HTR1E: variants seen among roughly 807,000 people sequenced by gnomAD.
The protein encoded by HTR1E is 5-hydroxytryptamine receptor 1E.
HTR1E carries 3 observed loss-of-function variants against 3.4 expected under a neutral mutation model. The observed-to-expected ratio is 0.89, with a 90% CI of 0.41 to 2.31. The LOEUF is 2.31. Among genes scored for constraint, HTR1E ranks in the 30% most tolerant of loss-of-function variants. The pLI is 0.05. For missense variants in HTR1E, 392 were observed against 467.0 expected (o/e 0.84, Z 1.48); for synonymous variants, 170 against 182.8 (o/e 0.93, Z 0.56).
chr6:87,014,844 A>T (rs1358607557), intron 1 of HTR1E, among the ~76,000 whole-genome samples: 1 of 152,142 alleles, frequency 6.6e-6, no homozygotes, highest in East Asian at 1.9e-4. Flanking sequence ...TAGGAGAAGT[A>T]CCTAATGTAG....
At chr6:87,004,249 T>G (rs1286051103) in intron 1 of HTR1E, among the ~76,000 whole-genome samples, 2 of 152,156 alleles carry the variant, frequency 1.3e-5, no homozygotes, top group Non-Finnish European at 2.9e-5. Flanking sequence ...TACTTCCACA[T>G]TTATTCTGTG....
At chr6:86,946,838 C>T (rs1452814417) in intron 1 of HTR1E, among the ~76,000 whole-genome samples, 1 of 152,086 alleles carries the variant, frequency 6.6e-6, no homozygotes, top group Admixed American at 6.5e-5. Context: ...GCACAGAGGC[C>T]GGGCACGGTG....
chr6:86,973,872 T>G lies in HTR1E; in HGVS notation c.-186+36049T>G, dbSNP rs534697029. On this transcript the variant is annotated intron_variant, in intron 1 of 1. Coordinates refer to ENST00000305344, the MANE Select transcript of HTR1E (RefSeq NM_000865.3). ...CAGGTGAAAGCCGCAATAAACTGCC[T>G]TGCTGAAGCCCATCTTAGACTCTCC... Among the ~76,000 whole-genome samples the G allele has an allele frequency of 2.8e-4, 43 of 152,318 alleles. No homozygotes were observed. The South Asian group carries it at 8.9e-3, about 32-fold the overall frequency.
chr6:86,996,471 T>G (rs925243740), intron 1 of HTR1E, among the ~76,000 whole-genome samples: 1 of 129,528 alleles, frequency 7.7e-6, no homozygotes, highest in Non-Finnish European at 1.7e-5. Flanking sequence ...ACCTTATAAC[T>G]GACATAGAAA....
rs1489646246 is a variant in HTR1E at position 87,010,018 on chromosome 6, C to T, written c.-185-5132C>T. ...GGCTGGCCGGGCGGAGGGCTGACCC[C>T]CCCACCTCCCTCCCGGACGGGGTGG... On this transcript the variant is annotated intron_variant, in intron 1 of 1. Transcript: ENST00000305344. Among the ~76,000 whole-genome samples, 6 of 132,354 alleles carry T rather than the reference C, an allele frequency of 4.5e-5. 1 individual carries two copies. The highest frequency in any genetic ancestry group is 3.6e-4 in the Admixed American group (5 of 13,802). The allele number at this position is 132,354 out of a possible 152,430, so 86.8% of individuals were successfully genotyped here.
chr6:86,954,324 A>G (rs1446212768), intron 1 of HTR1E, among the ~76,000 whole-genome samples: 1 of 150,248 alleles, frequency 6.7e-6, no homozygotes, highest in Non-Finnish European at 1.5e-5. Context: ...ACTTTATTCA[A>G]TTACTTTATT....
intron 1 of HTR1E, among the ~76,000 whole-genome samples, chr6:87,010,347 G>A (rs1442893436): frequency 1.8e-5 from 2 of 114,116 alleles, no homozygotes; most frequent in African/African-American, 3.5e-5. Flanking sequence ...CGGACGGGGC[G>A]GCTGGCCGGG....
intron 1 of HTR1E, among the ~76,000 whole-genome samples, chr6:86,964,617 G>C (rs1462320613): frequency 6.6e-6 from 1 of 152,170 alleles, no homozygotes. Flanking sequence ...TAACAGTAAA[G>C]TTGTAAACTT....
At chr6:87,015,128 C>T (rs536723930) in intron 1 of HTR1E, 22 bp from the exon 2 acceptor site, 34 of 380,960 alleles carry the variant, frequency 8.9e-5, no homozygotes, top group Non-Finnish European at 1.6e-4. Flanking sequence ...CATTCATTAA[C>T]CAATAGCATA....
intron 1 of HTR1E, among the ~76,000 whole-genome samples, chr6:87,007,454 A>G (rs952972128): frequency 1.3e-5 from 2 of 152,224 alleles, no homozygotes; most frequent in Non-Finnish European, 2.9e-5. Flanking sequence ...AATTTATTCT[A>G]AATTTTAAAA....
intron 1 of HTR1E, among the ~76,000 whole-genome samples, chr6:86,999,701 T>C (rs1348520014): frequency 1.3e-5 from 2 of 152,222 alleles, no homozygotes; most frequent in East Asian, 1.9e-4. Flanking sequence ...TCAACTCTTA[T>C]TGGAATAGCG....
intron 1 of HTR1E, among the ~76,000 whole-genome samples, chr6:86,959,724 G>A (rs1045695252): frequency 3.3e-5 from 5 of 152,102 alleles, no homozygotes; most frequent in African/African-American, 1.2e-4. Context: ...GAGAAAGAAG[G>A]GGCAAGTTTT....
intron 1 of HTR1E, among the ~76,000 whole-genome samples, chr6:86,995,665 C>CA (rs60134206): frequency 0.019 from 705 of 36,630 alleles, 27 homozygotes; most frequent in Non-Finnish European, 0.03. Flanking sequence ...GACTCCATCT[C>CA]AAAAAAAAAA....
chr6:87,007,692 G>A (rs1053048617), intron 1 of HTR1E, among the ~76,000 whole-genome samples: 1 of 152,144 alleles, frequency 6.6e-6, no homozygotes, highest in Non-Finnish European at 1.5e-5. Context: ...TCCCAGCACT[G>A]TGGGAGGCCG....
intron 1 of HTR1E, among the ~76,000 whole-genome samples, chr6:87,007,283 T>C (rs1159012943): frequency 1.3e-5 from 2 of 151,874 alleles, no homozygotes; most frequent in African/African-American, 4.8e-5. Flanking sequence ...AAACAATGAA[T>C]TCATGGAGGT....
intron 1 of HTR1E, among the ~76,000 whole-genome samples, chr6:87,011,380 A>G (rs1329736837): frequency 1.3e-5 from 2 of 152,306 alleles, no homozygotes; most frequent in East Asian, 3.9e-4. Flanking sequence ...GTAAATAGAG[A>G]AAGGCAAGTA....
intron 1 of HTR1E, among the ~76,000 whole-genome samples, chr6:86,992,864 G>A (rs1247203430): frequency 2.0e-5 from 3 of 152,124 alleles, no homozygotes; most frequent in Non-Finnish European, 2.9e-5. Flanking sequence ...CAAAATATCA[G>A]TGGCTTAACA....
At chr6:86,970,750 G>A (rs942813310) in intron 1 of HTR1E, 3 of 204,382 alleles carry the variant, frequency 1.5e-5, no homozygotes, top group Non-Finnish European at 2.9e-5. Flanking sequence ...CCAATGGTGT[G>A]CACACAAAGG....
At chr6:87,007,546 T>C (rs1768132868) in intron 1 of HTR1E, among the ~76,000 whole-genome samples, 2 of 152,334 alleles carry the variant, frequency 1.3e-5, no homozygotes, top group Middle Eastern at 6.8e-3. Flanking sequence ...CTTGATGTGA[T>C]GATTACTTGT....
Sources: allele counts gnomAD v4.1 joint callset (sites outside exome capture counted in the v4.1 genomes callset), GRCh38; gene constraint gnomAD v4.1.1; transcripts MANE v1.5; gene names NCBI Gene and HGNC (gene_info 2026-07-23, HGNC 2026-07-21).